PTPRF: variants seen among roughly 807,000 people sequenced by gnomAD.
PTPRF encodes the protein receptor-type tyrosine-protein phosphatase F.
PTPRF carries 59 observed loss-of-function variants against 201.8 expected under a neutral mutation model. The observed-to-expected ratio is 0.29, with a 90% CI of 0.24 to 0.36. The LOEUF is 0.36. Ranked by LOEUF, PTPRF falls within the 10% of genes least tolerant of loss-of-function variation. The probability of loss-of-function intolerance (pLI) is 1.00; values close to 1 mark genes in which losing one functional copy is unlikely to be tolerated. For synonymous variants in PTPRF, 1,088 were observed against 1,089.7 expected, an observed-to-expected ratio of 1.00 and a Z score of 0.03; for missense variants, 2,132 against 2,690.5, an observed-to-expected ratio of 0.79 and a Z score of 4.59.
chr1:43,616,301 A>G (rs1657843658), intron 23 of PTPRF, among the ~76,000 whole-genome samples: 1 of 151,394 alleles, frequency 6.6e-6, no homozygotes, highest in African/African-American at 2.4e-5. Context: ...TGCCAGGCAC[A>G]CTGTGGGTCC....
chr1:43,559,868 T>C (rs12126075), intron 5 of PTPRF, among the ~76,000 whole-genome samples: 22 of 149,312 alleles, frequency 1.5e-4, no homozygotes, highest in Non-Finnish European at 1.9e-4. Context: ...GCAGGTGGTG[T>C]GTAGCAGGCT....
At chr1:43,595,349 G>C (rs1651991472) in intron 11 of PTPRF, among the ~76,000 whole-genome samples, 1 of 152,100 alleles carries the variant, frequency 6.6e-6, no homozygotes, top group Admixed American at 6.5e-5. Context: ...CGAGTAGCTG[G>C]GTTTATAGGC....
At chr1:43,557,921 C>T (rs956120225) in intron 5 of PTPRF, among the ~76,000 whole-genome samples, 2 of 152,166 alleles carry the variant, frequency 1.3e-5, no homozygotes, top group Admixed American at 6.5e-5. Context: ...AAAGGCGTGC[C>T]GCAGGAGGGC....
In PTPRF at chr1:43,616,135, T is replaced by C. The variant is rs530632496; in HGVS notation, c.4072-1310T>C. ...TCTCACGGAAGCAGTGACGCGGTCC[T>C]GTGGAGAGTAATGAGGCTGGGGACA... On this transcript the variant is annotated intron_variant, in intron 23 of 33. Transcript: ENST00000359947. Among the ~76,000 whole-genome samples the C allele has an allele frequency of 4.0e-5, 6 of 151,780 alleles. No homozygotes were observed. In the South Asian group the frequency reaches 8.4e-4, roughly 21 times the overall value.
chr1:43,524,758 T>C (rs1643048697), upstream of PTPRF, among the ~76,000 whole-genome samples: 1 of 152,050 alleles, frequency 6.6e-6, no homozygotes, highest in Non-Finnish European at 1.5e-5. Flanking sequence ...GTGAATGTGC[T>C]AGTGGAGAGC....
At position 43,619,814 on chromosome 1, in the gene PTPRF, G is replaced by A. The variant is rs761522015; in HGVS notation, c.5067G>A (p.Val1689=). ...TRVCLQPIRG[V]EGSDYINASF... is the part of the protein sequence containing the mutation. ...TGTGTCTGCAGCCCATCCGTGGTGT[G>A]GAGGGCTCTGACTACATCAATGCCA... The change falls in exon 29 of 34, where the codon GTG becomes GTA. Residue 1689 remains valine, a synonymous_variant. Transcript: ENST00000359947. The A allele has an allele frequency of 1.2e-6, 2 of 1,614,226 alleles. No individual in the cohort carries two copies. The highest frequency in any genetic ancestry group is 2.2e-5 in the South Asian group (2 of 91,088).
At chr1:43,597,075 C>A (rs1386948881) in intron 11 of PTPRF, among the ~76,000 whole-genome samples, 1 of 150,762 alleles carries the variant, frequency 6.6e-6, no homozygotes, top group Non-Finnish European at 1.5e-5. Flanking sequence ...GTGTGTGAGA[C>A]ACCATGAGAG....
chr1:43,535,708 T>C (rs1314047086), intron 1 of PTPRF, among the ~76,000 whole-genome samples: 1 of 152,216 alleles, frequency 6.6e-6, no homozygotes, highest in Non-Finnish European at 1.5e-5. Context: ...TCTTTCTTGA[T>C]ATTGGACATG....
intron 22 of PTPRF, chr1:43,613,381 C>A: frequency 2.0e-6 from 1 of 494,518 alleles, no homozygotes; most frequent in Non-Finnish European, 3.7e-6. Context: ...CTAGTGCCCC[C>A]ACTCAGCACC....
intron 9 of PTPRF, 72 bp downstream of exon 9, chr1:43,591,625 CCCCT>C (rs1650775475): frequency 2.0e-6 from 3 of 1,470,690 alleles, no homozygotes; most frequent in Non-Finnish European, 2.7e-6. Context: ...GGTGCCTTTC[CCCCT>C]CCCTCGGCTG....
At chr1:43,589,722 C>T (rs539794533) in intron 8 of PTPRF, among the ~76,000 whole-genome samples, 68 of 144,800 alleles carry the variant, frequency 4.7e-4, no homozygotes, top group African/African-American at 1.7e-3. Flanking sequence ...AAAAACTGGG[C>T]ATGGTGGCAC....
At chr1:43,522,205 C>G (rs1030262241), upstream of PTPRF, among the ~76,000 whole-genome samples, 3 of 152,154 alleles carry the variant, frequency 2.0e-5, no homozygotes, top group African/African-American at 4.8e-5. Flanking sequence ...TCTGGGAAAC[C>G]TGACCTAACA....
intron 14 of PTPRF, 44 bp downstream of exon 14, chr1:43,602,141 T>C (rs1320768769): frequency 1.9e-6 from 3 of 1,585,944 alleles, no homozygotes; most frequent in East Asian, 2.2e-5. Context: ...TGGGTCAAGC[T>C]GGGCTCGTGG....
intron 14 of PTPRF, among the ~76,000 whole-genome samples, chr1:43,602,919 G>A (rs1018377509): frequency 1.3e-5 from 2 of 152,164 alleles, no homozygotes; most frequent in Non-Finnish European, 2.9e-5. Context: ...TGGGGGCAGC[G>A]GAGTCCTGAC....
rs558653817 is a variant in PTPRF at position 43,574,432 on chromosome 1, A to G, written c.569-4378A>G. On this transcript the variant is annotated intron_variant, in intron 6 of 33. Transcript: ENST00000359947. ...ATAAATAACATTTTTAAGGAAAAATAGTTATTTTTTTAAAACAAAAATATT... is the reference window on the plus strand; with the variant it reads ...ATAAATAACATTTTTAAGGAAAAATGGTTATTTTTTTAAAACAAAAATATT... Among the ~76,000 whole-genome samples, 4 of 152,356 alleles carry G rather than the reference A, an allele frequency of 2.6e-5. No homozygotes were observed. In the East Asian group the frequency reaches 7.7e-4, roughly 29 times the overall value.
At chr1:43,579,663 C>T (rs865793000) in intron 7 of PTPRF, 2 of 193,798 alleles carry the variant, frequency 1.0e-5, no homozygotes, top group Admixed American at 5.4e-5. Flanking sequence ...GCCACCTTGC[C>T]CTTTCCTGAG....
intron 8 of PTPRF, 81 bp downstream of exon 8, chr1:43,589,081 C>T: frequency 1.4e-6 from 2 of 1,432,754 alleles, no homozygotes; most frequent in South Asian, 3.0e-5. Context: ...AGCTGGCTGC[C>T]ATGGGCACAG....
chr1:43,535,056 A>T lies in PTPRF; in HGVS notation c.-125-3142A>T, dbSNP rs186467621. Among the ~76,000 whole-genome samples, 223 of 152,212 alleles carry T rather than the reference A, an allele frequency of 1.5e-3. 1 individual carries two copies. Among genetic ancestry groups the T allele is most frequent in the Middle Eastern group, 0.01 (3 of 294 alleles). On this transcript the variant is annotated intron_variant, in intron 1 of 33. Transcript: ENST00000359947. ...AATCATCCTCAACTGGGATGGTGTA[A>T]ACCCACCCTCCCATCAGGGGTCACA...
chr1:43,569,704 A>C lies in PTPRF; in HGVS notation c.494A>C (p.Glu165Ala). ...GCCGCAGGCGGAAATCCAGACCCTGAGATTTCTTGGTTCAAGGACTTCCTT... is the reference window on the plus strand; with the variant it reads ...GCCGCAGGCGGAAATCCAGACCCTGCGATTTCTTGGTTCAAGGACTTCCTT... The part of the protein sequence containing the change: ...LCAAGGNPDP[E>A]ISWFKDFLPV... Residue 165 changes from glutamate (E) to alanine (A), a missense_variant, in exon 6 of 34, where the codon GAG becomes GCG. Physicochemically the swap from Glu to Ala is moderately radical, Grantham distance 107. Around this residue, in one of 6 missense-constraint regions of PTPRF, gnomAD observed 297 missense variants for 454.0 expected, o/e 0.65. Coordinates refer to ENST00000359947, the MANE Select transcript of PTPRF (RefSeq NM_002840.5). 6.2e-7 allele frequency: 1 copy of C among 1,614,038 alleles called. No individual in the cohort carries two copies. The highest frequency in any genetic ancestry group is 8.5e-7 in the Non-Finnish European group (1 of 1,179,942).
Sources: allele counts gnomAD v4.1 joint callset (sites outside exome capture counted in the v4.1 genomes callset), GRCh38; gene constraint gnomAD v4.1.1; regional missense constraint gnomAD v4.1.1; transcripts MANE v1.5; gene names NCBI Gene and HGNC (gene_info 2026-07-23, HGNC 2026-07-21).